ADAMTSL3: variants seen among roughly 807,000 people sequenced by gnomAD.
The protein encoded by ADAMTSL3 is ADAMTS-like protein 3.
In ADAMTSL3, 128 loss-of-function variants were observed where a neutral mutation model predicts 201.7. That is an observed-to-expected ratio of 0.63 (90% confidence interval 0.55 to 0.73). The LOEUF (loss-of-function observed/expected upper bound fraction) is 0.73. ADAMTSL3 is among the 30% of genes least tolerant of loss of function. ADAMTSL3 has a pLI of 0.00. For missense variants in ADAMTSL3, 1,990 were observed against 2,119.6 expected (o/e 0.94, Z 1.20); for synonymous variants, 738 against 748.4 (o/e 0.99, Z 0.23).
intron 6 of ADAMTSL3, among the ~76,000 whole-genome samples, chr15:83,822,739 C>T (rs1359289772): frequency 1.3e-5 from 2 of 151,146 alleles, no homozygotes; most frequent in Non-Finnish European, 1.5e-5. Flanking sequence ...GGGCTCCTCA[C>T]GTCCCAGACG....
chr15:83,676,273 A>G (rs1438066100), intron 2 of ADAMTSL3, among the ~76,000 whole-genome samples: 1 of 152,012 alleles, frequency 6.6e-6, no homozygotes, highest in Non-Finnish European at 1.5e-5. Flanking sequence ...ATACCACAAA[A>G]TTTGATATGT....
intron 13 of ADAMTSL3, 129 bp from the exon 14 acceptor site, chr15:83,897,729 A>T: frequency 9.4e-7 from 1 of 1,064,272 alleles, no homozygotes. Flanking sequence ...TTCCTTACAT[A>T]ATATTTGTCT....
chr15:83,893,903 C>G (rs1036184672), intron 13 of ADAMTSL3, among the ~76,000 whole-genome samples: 8 of 152,164 alleles, frequency 5.3e-5, no homozygotes, highest in Admixed American at 5.2e-4. Flanking sequence ...CTCCAGCTTT[C>G]TTAAGTGATT....
chr15:83,664,990 T>A (rs750578262), intron 2 of ADAMTSL3, among the ~76,000 whole-genome samples: 2 of 152,132 alleles, frequency 1.3e-5, no homozygotes, highest in Non-Finnish European at 2.9e-5. Flanking sequence ...CTGTGGTTGC[T>A]GATCAGGAGG....
intron 7 of ADAMTSL3, among the ~76,000 whole-genome samples, chr15:83,840,311 C>T (rs533423988): frequency 1.3e-5 from 2 of 152,204 alleles, no homozygotes; most frequent in Admixed American, 6.5e-5. Flanking sequence ...GGAATAAGGG[C>T]CCAAAAGTTT....
chr15:83,880,302 C>T (rs188192397), intron 9 of ADAMTSL3, among the ~76,000 whole-genome samples: 2 of 152,212 alleles, frequency 1.3e-5, no homozygotes, highest in East Asian at 1.9e-4. Flanking sequence ...TTCTTTTTAT[C>T]TGTCATTTTA....
chr15:83,903,920 A>AGGAAGG (rs1329970127), intron 15 of ADAMTSL3, among the ~76,000 whole-genome samples: 27 of 58,754 alleles, frequency 4.6e-4, no homozygotes, highest in Middle Eastern at 0.01. Context: ...TCCACATCAA[A>AGGAAGG]AAAAAAAAAA....
chr15:83,987,118 G>A (rs1395754507), intron 21 of ADAMTSL3, among the ~76,000 whole-genome samples: 2 of 152,190 alleles, frequency 1.3e-5, no homozygotes, highest in Non-Finnish European at 2.9e-5. Flanking sequence ...GATTTAATAT[G>A]TTTATTTTTC....
chr15:83,786,797 T>C (rs1346624528), intron 4 of ADAMTSL3, among the ~76,000 whole-genome samples: 2 of 152,190 alleles, frequency 1.3e-5, no homozygotes, highest in Non-Finnish European at 2.9e-5. Context: ...ACTTTGGTCT[T>C]CCTGTGTTGT....
chr15:83,875,032 CTG>C lies in ADAMTSL3; in HGVS notation c.960+4077_960+4078del, dbSNP rs1266760511. On this transcript the variant is annotated intron_variant, in intron 9 of 29. Coordinates refer to ENST00000286744, the MANE Select transcript of ADAMTSL3 (RefSeq NM_207517.3). ...CGTGCCCACTCTATACCATCCACCA[CTG>C]TGTTCATCTGGGTCCTCTAAGAATC... Among the ~76,000 whole-genome samples, 4 of 110,874 alleles carry C rather than the reference CTG, an allele frequency of 3.6e-5. 1 individual carries two copies. In the East Asian group the frequency reaches 1.7e-3, roughly 46 times the overall value. 72.7% of individuals were successfully genotyped at this position (110,874 alleles called of 152,430 possible).
rs6145659 is a variant in ADAMTSL3 at position 83,872,627 on chromosome 15, C to CACACAG, written c.960+1669_960+1670insCACAGA. On this transcript the variant is annotated intron_variant, in intron 9 of 29. Coordinates refer to ENST00000286744, the MANE Select transcript of ADAMTSL3 (RefSeq NM_207517.3). ...ACACACACACACACACACACACACA[C>CACACAG]AGAGTTTTTGTTCTCTTTTAATTAC... 4.2e-3 allele frequency among the ~76,000 whole-genome samples: 599 copies of CACACAG among 140,988 alleles called. 17 individuals carry two copies. Among genetic ancestry groups the CACACAG allele is most frequent in the East Asian group, 0.039 (187 of 4,784 alleles). The allele number at this position is 140,988 out of a possible 152,430, so 92.5% of individuals were successfully genotyped here. A position where few individuals can be genotyped will look rare whatever the true frequency, so the allele number is the denominator to read the frequency against.
chr15:83,962,877 C>T (rs995225978), intron 19 of ADAMTSL3, among the ~76,000 whole-genome samples: 1 of 152,166 alleles, frequency 6.6e-6, no homozygotes, highest in African/African-American at 2.4e-5. Context: ...CCAGCTGAAG[C>T]ATGGTGGGGT....
At chr15:83,962,580 T>A (rs1234343077) in intron 19 of ADAMTSL3, 1 of 152,252 alleles carries the variant, frequency 6.6e-6, no homozygotes, top group African/African-American at 2.4e-5. Flanking sequence ...AAGTTGAAAT[T>A]GCATGTATAC....
Position 83,760,769 on chromosome 15 carries a change from T to C in ADAMTSL3, c.190-12754T>C, listed in dbSNP as rs143140615. Among the ~76,000 whole-genome samples, 1,383 of 152,268 alleles carry C rather than the reference T, an allele frequency of 9.1e-3. 20 individuals carry two copies. The highest frequency in any genetic ancestry group is 0.031 in the African/African-American group (1,301 of 41,576). On this transcript the variant is annotated intron_variant, in intron 3 of 29. Transcript: ENST00000286744. The stretch of plus-strand genomic sequence containing the variant: ...TGTCTTAAAGTCTACTTTGTCTAAT[T>C]AGTGTGACTAAGCCAGATTTATTTT...
At chr15:83,731,911 G>C (rs2062282012) in intron 3 of ADAMTSL3, among the ~76,000 whole-genome samples, 1 of 151,930 alleles carries the variant, frequency 6.6e-6, no homozygotes, top group African/African-American at 2.4e-5. Context: ...GTAGAACTAT[G>C]GTTACCAGGG....
intron 6 of ADAMTSL3, among the ~76,000 whole-genome samples, chr15:83,823,528 A>G (rs1307457719): frequency 6.6e-6 from 1 of 152,144 alleles, no homozygotes; most frequent in Non-Finnish European, 1.5e-5. Flanking sequence ...CATTTGATCC[A>G]TTGCCACGTC....
At chr15:84,037,309 CA>C (rs1307749463) in intron 29 of ADAMTSL3, among the ~76,000 whole-genome samples, 1 of 152,106 alleles carries the variant, frequency 6.6e-6, no homozygotes, top group Non-Finnish European at 1.5e-5. Flanking sequence ...ACAAAGATTC[CA>C]TGGATGGGCT....
Position 83,890,224 on chromosome 15 carries a change from C to A in ADAMTSL3, c.1188C>A (p.Cys396Ter). The A allele has an allele frequency of 6.2e-7, 1 of 1,613,916 alleles. No individual in the cohort carries two copies. Residue 396 changes from cysteine (C) to a stop codon, truncating the protein, a stop_gained, in exon 11 of 30, where the codon TGC (cysteine) becomes TGA (stop). Transcript: ENST00000286744. LOFTEE classifies it high-confidence loss of function. Reference protein sequence around the residue: ...NVKPKPKLKECSMDPCPSSDG... With the variant: ...NVKPKPKLKE ...AACCAAAACCAAAACTGAAGGAATG[C>A]AGCATGGATCCCTGCCCATCAAGGT... is the stretch of plus-strand genomic sequence containing the variant.
At chr15:83,747,519 C>T (rs28735516) in intron 3 of ADAMTSL3, among the ~76,000 whole-genome samples, 9,457 of 152,238 alleles carry the variant, frequency 0.062, 374 homozygotes, top group East Asian at 0.18. Context: ...CGCTGTTCCT[C>T]TCACCATTTC....
Sources: gnomAD v4.1 joint callset for allele counts (sites outside exome capture counted in the v4.1 genomes callset) on GRCh38, gnomAD v4.1.1 for gene constraint, MANE v1.5 for transcripts, NCBI Gene and HGNC (gene_info 2026-07-23, HGNC 2026-07-21) for gene names.